DSEL: variants seen among roughly 807,000 people sequenced by gnomAD.
DSEL encodes dermatan sulfate epimerase like.
Under a neutral mutation model 96.6 loss-of-function variants are expected in DSEL, and 61 were observed. The ratio of observed to expected loss-of-function variants is 0.63; its 90% CI spans 0.51 to 0.78. The LOEUF (loss-of-function observed/expected upper bound fraction) is 0.78, where lower values mean the gene tolerates loss of function less well. DSEL is among the 30% of genes least tolerant of loss of function. The pLI is 0.00. For missense variants in DSEL, 1,320 were observed against 1,430.8 expected (o/e 0.92, Z 1.25); for synonymous variants, 514 against 502.0 (o/e 1.02, Z -0.32).
Position 67,514,693 on chromosome 18 carries a change from A to C in DSEL, c.-85T>G. On this transcript the variant is annotated 5_prime_UTR_variant, in exon 2 of 2. Transcript: ENST00000310045. ...CCCATCTGGTTAGTATAAAACATAC[A>C]GTAAAGGCCTTGATAAGACAAAGAC... 7.1e-7 allele frequency: 1 copy of C among 1,413,662 alleles called. No homozygotes were observed. Among genetic ancestry groups the C allele is most frequent in the Admixed American group, 2.1e-5 (1 of 47,714 alleles). The allele number at this position is 1,413,662 out of a possible 1,614,324, so 87.6% of individuals were successfully genotyped here. A position where few individuals can be genotyped will look rare whatever the true frequency, so the allele number is the denominator to read the frequency against.
rs1306868830 is a variant in DSEL at position 67,516,216 on chromosome 18, C to G, written c.-885+145G>C. On this transcript the variant is annotated intron_variant, in intron 1 of 1. Transcript: ENST00000310045. The surrounding 1 kb of genome is among the most constrained non-coding windows in gnomAD (Gnocchi z 5.6). Reference sequence around the variant, plus strand: ...AAGTCTCCCCTCTGTAGGAAACATTCAGGCTAGGAGTTTCCTGATCCGCCC... The same window carrying G: ...AAGTCTCCCCTCTGTAGGAAACATTGAGGCTAGGAGTTTCCTGATCCGCCC... 2.6e-5 allele frequency: 4 copies of G among 152,256 alleles called. No homozygotes were observed. The highest frequency in any genetic ancestry group is 7.2e-5 in the African/African-American group (3 of 41,462). The allele number at this position is 152,256 out of a possible 1,614,324, so 9.4% of individuals were successfully genotyped here. A position where few individuals can be genotyped will look rare whatever the true frequency, so the allele number is the denominator to read the frequency against.
chr18:67,512,265 T>G lies in DSEL; in HGVS notation c.2344A>C (p.Ile782Leu). 6.2e-7 allele frequency: 1 copy of G among 1,614,050 alleles called. No individual in the cohort carries two copies. ...TGGAAAGTTAAAATCACCAAGCTAA[T>G]GCACAAAATTAATCCAACTGCTATA... is the stretch of plus-strand genomic sequence containing the variant. ...FNIAVGLILCISLVILTFQWR... is the reference protein window; with the variant it reads ...FNIAVGLILCLSLVILTFQWR... The change falls in exon 2 of 2, where the codon ATT (isoleucine) becomes CTT (leucine). Residue 782 changes from isoleucine (I) to leucine (L), a missense_variant. By Grantham distance (5) the Ile-to-Leu change is conservative. Around this residue, in one of 3 missense-constraint regions of DSEL, gnomAD observed 986 missense variants for 1,066.4 expected, o/e 0.92. Coordinates refer to ENST00000310045, the MANE Select transcript of DSEL (RefSeq NM_032160.3).
rs2089413887 is a variant in DSEL at position 67,507,005 on chromosome 18, T to G, written c.*3965A>C. 1 of 152,174 alleles carries G rather than the reference T, an allele frequency of 6.6e-6. No homozygotes were observed. The highest frequency in any genetic ancestry group is 2.4e-5 in the African/African-American group (1 of 41,436). The allele number at this position is 152,174 out of a possible 1,614,324, so 9.4% of individuals were successfully genotyped here. On this transcript the variant is annotated 3_prime_UTR_variant, in exon 2 of 2. Transcript: ENST00000310045. ...TATATCAGACAATTTGGTCAACATT[T>G]AAATAAGCAGCTAATAGCCCACATA...
chr18:67,509,278 T>G lies in DSEL; in HGVS notation c.*1692A>C, dbSNP rs2089428253. 6.6e-6 allele frequency: 1 copy of G among 152,228 alleles called. No homozygotes were observed. Among genetic ancestry groups the G allele is most frequent in the African/African-American group, 2.4e-5 (1 of 41,470 alleles). 9.4% of individuals were successfully genotyped at this position (152,228 alleles called of 1,614,324 possible). On this transcript the variant is annotated 3_prime_UTR_variant, in exon 2 of 2. Transcript: ENST00000310045. ...TTATCAACCATGTAGCATGCAATAT[T>G]CATGTAGATATTATCCAAGTAGCAT...
At position 67,508,309 on chromosome 18, in the gene DSEL, TTCTAAGGCAGGGG is replaced by T. The variant is rs1400225311; in HGVS notation, c.*2648_*2660del. ...GAGTCAATCCCCTTAGGAATTCTGT[TTCTAAGGCAGGGG>T]TCTCAGGCACCATCACATGCATACA... is the stretch of plus-strand genomic sequence containing the variant. On this transcript the variant is annotated 3_prime_UTR_variant, in exon 2 of 2. Transcript: ENST00000310045. 1 of 152,146 alleles carries T rather than the reference TTCTAAGGCAGGGG, an allele frequency of 6.6e-6. No individual in the cohort carries two copies. The highest frequency in any genetic ancestry group is 2.1e-4 in the South Asian group (1 of 4,828). The allele number at this position is 152,146 out of a possible 1,614,324, so 9.4% of individuals were successfully genotyped here.
At chr18:67,515,900 C>CTTTTTTTT (rs10708052) in intron 1 of DSEL, among the ~76,000 whole-genome samples, 1 of 141,640 alleles carries the variant, frequency 7.1e-6, no homozygotes. Flanking sequence ...TTGAAAAGAT[C>CTTTTTTTT]TTTTTTTTTT....
chr18:67,513,443 T>C lies in DSEL; in HGVS notation c.1166A>G (p.Tyr389Cys). 1.2e-6 allele frequency: 2 copies of C among 1,614,174 alleles called. No individual in the cohort carries two copies. Among genetic ancestry groups the C allele is most frequent in the Non-Finnish European group, 1.7e-6 (2 of 1,180,036 alleles). ...TGTGAGCTGGGGATCATACCAGATG[T>C]ATTCAGTGTGAAGAGTACTCCACCT... Reference protein sequence around the residue: ...AQRWSTLHTEYIWYDPQLTPQ... With the variant: ...AQRWSTLHTECIWYDPQLTPQ... The change falls in exon 2 of 2, where the codon TAC becomes TGC. Residue 389 changes from tyrosine to cysteine, a missense_variant. Tyr to Cys is a radical substitution (Grantham distance 194). Coordinates refer to ENST00000310045, the MANE Select transcript of DSEL (RefSeq NM_032160.3).
rs1335918072 is a variant in DSEL at position 67,510,638 on chromosome 18, G to A, written c.*332C>T. 3.9e-6 allele frequency: 1 copy of A among 259,080 alleles called. No individual in the cohort carries two copies. Among genetic ancestry groups the A allele is most frequent in the African/African-American group, 2.2e-5 (1 of 44,718 alleles). The allele number at this position is 259,080 out of a possible 1,614,324, so 16.0% of individuals were successfully genotyped here. ...TGAGGTCTCTAGATAGATTAGCACA[G>A]TTACAGATGAAGGGGAGTTAGACAA... On this transcript the variant is annotated 3_prime_UTR_variant, in exon 2 of 2. Transcript: ENST00000310045.
rs9959648 is a variant in DSEL, at chr18:67,513,469, T to C, written c.1140A>G (p.Gln380=). ...KDGPMVPSTA[Q]RWSTLHTEYI... is the part of the protein sequence containing the mutation. The stretch of plus-strand genomic sequence containing the variant: ...ATTCAGTGTGAAGAGTACTCCACCT[T>C]TGGGCAGTTGAAGGAACCATCGGTC... The change falls in exon 2 of 2, where the codon CAA becomes CAG. Residue 380 remains glutamine (Q), a synonymous_variant. Coordinates refer to ENST00000310045, the MANE Select transcript of DSEL (RefSeq NM_032160.3). 12,043 of 1,614,120 alleles carry C rather than the reference T, an allele frequency of 7.5e-3. 785 individuals are homozygous for C. The African/African-American group carries it at 0.14, about 19-fold the overall frequency.
At chr18:67,515,960 G>A (rs1020818592) in intron 1 of DSEL, among the ~76,000 whole-genome samples, 1 of 148,356 alleles carries the variant, frequency 6.7e-6, no homozygotes, top group Non-Finnish European at 1.5e-5. Flanking sequence ...GGATCAGAAG[G>A]TATCTTCCTA....
Position 67,512,519 on chromosome 18 carries a change from C to G in DSEL, c.2090G>C (p.Ser697Thr), listed in dbSNP as rs368574210. ...INVSSCRFID[S>T]SNPGLQISLN... ...AGAAATCTGAAGTCCAGGATTGGAA[C>G]TATCAATAAATCTGCAGCTGGAGAC... The change falls in exon 2 of 2, where the codon AGT becomes ACT. Residue 697 changes from serine to threonine, a missense_variant. Around this residue, in one of 3 missense-constraint regions of DSEL, gnomAD observed 986 missense variants for 1,066.4 expected, o/e 0.92. Transcript: ENST00000310045. 1.2e-5 allele frequency: 20 copies of G among 1,613,890 alleles called. No homozygotes were observed. In the African/African-American group the frequency reaches 2.3e-4, roughly 18 times the overall value.
At position 67,514,637 on chromosome 18, in the gene DSEL, A is replaced by T. The variant is rs139746964; in HGVS notation, c.-29T>A. ...CCATGGGGGAGCTCCTCCCTTAGGC[A>T]TACATGTCAGATATGATGCTCAATG... On this transcript the variant is annotated 5_prime_UTR_variant, in exon 2 of 2. The change abolishes an upstream ATG in the 5' untranslated region. Transcript: ENST00000310045. 161 of 1,610,000 alleles carry T rather than the reference A, an allele frequency of 1.0e-4. No homozygotes were observed. In the African/African-American group the frequency reaches 1.9e-3, roughly 19 times the overall value.
In DSEL at chr18:67,513,124, G is replaced by A; in HGVS notation, c.1485C>T (p.Ser495=). The change falls in exon 2 of 2, where the codon AGC becomes AGT. Residue 495 remains serine, a synonymous_variant. Coordinates refer to ENST00000310045, the MANE Select transcript of DSEL (RefSeq NM_032160.3). ...VSEALYGPKL[S]HLNNVLVFAP... is the part of the protein sequence containing the mutation. ...CAAACACCAATACATTGTTAAGGTG[G>A]CTCAACTTGGGTCCATAGAGAGCTT... 3 of 1,614,128 alleles carry A rather than the reference G, an allele frequency of 1.9e-6. No homozygotes were observed. Among genetic ancestry groups the A allele is most frequent in the Non-Finnish European group, 2.5e-6 (3 of 1,180,024 alleles).
In DSEL at chr18:67,512,048, T is replaced by C. The variant is rs1459163412; in HGVS notation, c.2561A>G (p.Asp854Gly). 27 of 1,613,974 alleles carry C rather than the reference T, an allele frequency of 1.7e-5. No homozygotes were observed. Among genetic ancestry groups the C allele is most frequent in the Middle Eastern group, 1.6e-4 (1 of 6,084 alleles). ...ACCAGGAAGTGAGGTAATGACAACA[T>C]CAGGAAGATCCATGTGGTGCCCTTC... The part of the protein sequence containing the change: ...SSEGHHMDLP[D>G]VVITSLPGSG... Residue 854 changes from aspartate to glycine, a missense_variant, in exon 2 of 2, where the codon GAT (aspartate) becomes GGT (glycine). Asp to Gly is a moderately conservative substitution (Grantham distance 94, BLOSUM62 -1). Around this residue, in one of 3 missense-constraint regions of DSEL, gnomAD observed 986 missense variants for 1,066.4 expected, o/e 0.92. Transcript: ENST00000310045.
chr18:67,512,927 G>T lies in DSEL; in HGVS notation c.1682C>A (p.Ser561Tyr). The change falls in exon 2 of 2, where the codon TCT becomes TAT. Residue 561 changes from serine (S) to tyrosine (Y), a missense_variant. By Grantham distance (144) the Ser-to-Tyr change is moderately radical (BLOSUM62 -2). Coordinates refer to ENST00000310045, the MANE Select transcript of DSEL (RefSeq NM_032160.3). The part of the protein sequence containing the change: ...FVSGEAVSAY[S>Y]SAMRLKSVYR... ...TACACTTTTCAGTCTCATTGCTGAAGAATAAGCAGACACGGCTTCCCCACT... is the reference window on the plus strand; with the variant it reads ...TACACTTTTCAGTCTCATTGCTGAATAATAAGCAGACACGGCTTCCCCACT... 1 of 1,614,196 alleles carries T rather than the reference G, an allele frequency of 6.2e-7. No homozygotes were observed. Among genetic ancestry groups the T allele is most frequent in the Non-Finnish European group, 8.5e-7 (1 of 1,180,044 alleles).
chr18:67,511,829 A>G lies in DSEL; in HGVS notation c.2780T>C (p.Val927Ala). The change falls in exon 2 of 2, where the codon GTC becomes GCC. Residue 927 changes from valine (V) to alanine (A), a missense_variant. Val to Ala is a moderately conservative substitution (Grantham distance 64, BLOSUM62 0). Around this residue, in one of 3 missense-constraint regions of DSEL, gnomAD observed 986 missense variants for 1,066.4 expected, o/e 0.92. Coordinates refer to ENST00000310045, the MANE Select transcript of DSEL (RefSeq NM_032160.3). The stretch of plus-strand genomic sequence containing the variant: ...TTGCAAATGTAATTTTGTGTCCTGG[A>G]CTAAAGACTGCAACCAGCCTCGGAG... ...RLLRGWLQSL[V>A]QDTKLHLQNI... is the part of the protein sequence containing the mutation. 6.2e-7 allele frequency: 1 copy of G among 1,614,146 alleles called. No homozygotes were observed.
Position 67,513,812 on chromosome 18 carries a change from T to C in DSEL, c.797A>G (p.Asn266Ser), listed in dbSNP as rs80052930. Reference protein sequence around the residue: ...DVMEKTMFLLNHIVDGSLDEG... With the variant: ...DVMEKTMFLLSHIVDGSLDEG... ...ATCCAAAGAACCATCAACAATATGA[T>C]TCAATAGAAACATTGTCTTTTCCAT... The change falls in exon 2 of 2, where the codon AAT becomes AGT. Residue 266 changes from asparagine (N) to serine (S), a missense_variant. Physicochemically the swap from Asn to Ser is conservative, Grantham distance 46 (BLOSUM62 1). Transcript: ENST00000310045. 5.0e-3 allele frequency: 8,010 copies of C among 1,614,184 alleles called. 529 individuals carry two copies. The Admixed American group carries it at 0.12, about 24-fold the overall frequency.
Position 67,508,914 on chromosome 18 carries a change from T to G in DSEL, c.*2056A>C, listed in dbSNP as rs1040101140. The G allele has an allele frequency of 3.9e-5, 6 of 152,230 alleles. No homozygotes were observed. The East Asian group carries it at 1.2e-3, about 30-fold the overall frequency. The allele number at this position is 152,230 out of a possible 1,614,324, so 9.4% of individuals were successfully genotyped here. A position where few individuals can be genotyped will look rare whatever the true frequency, so the allele number is the denominator to read the frequency against. ...CGGCTAATTTTTTGTACTTTTTTTTTTAGTAGAGACGGGGTTTCACCGTGT... is the reference window on the plus strand; with the variant it reads ...CGGCTAATTTTTTGTACTTTTTTTTGTAGTAGAGACGGGGTTTCACCGTGT... On this transcript the variant is annotated 3_prime_UTR_variant, in exon 2 of 2. Transcript: ENST00000310045.
In DSEL at chr18:67,512,836, T is replaced by C. The variant is rs2144051830; in HGVS notation, c.1773A>G (p.Glu591=). ...LLVVDHIERQ[E]DSPINSVSAF... is the part of the protein sequence containing the mutation. ...CACTGACAGAATTTATTGGGGAATC[T>C]TCTTGCCTCTCAATATGATCAACAA... The change falls in exon 2 of 2, where the codon GAA becomes GAG. Residue 591 remains glutamate (E), a synonymous_variant. Coordinates refer to ENST00000310045, the MANE Select transcript of DSEL (RefSeq NM_032160.3). 3 of 1,614,072 alleles carry C rather than the reference T, an allele frequency of 1.9e-6. No individual in the cohort carries two copies. The highest frequency in any genetic ancestry group is 2.5e-6 in the Non-Finnish European group (3 of 1,180,024).
Sources: gnomAD v4.1 joint callset for allele counts (sites outside exome capture counted in the v4.1 genomes callset) on GRCh38, gnomAD v4.1.1 for gene constraint, gnomAD v4.1.1 regional missense constraint, Gnocchi (gnomAD v3.1) non-coding constraint, MANE v1.5 for transcripts, NCBI Gene and HGNC (gene_info 2026-07-23, HGNC 2026-07-21) for gene names.